Variants in APAF1 observed in about 807,000 individuals in gnomAD.
APAF1 encodes the protein apoptotic peptidase activating factor 1, also known as apoptotic protease-activating factor 1.
A neutral mutation model predicts 152.4 loss-of-function variants in APAF1; 91 were observed. The ratio of observed to expected loss-of-function variants is 0.60; its 90% CI spans 0.50 to 0.71. The LOEUF (loss-of-function observed/expected upper bound fraction) is 0.71. Ranked by LOEUF, APAF1 falls within the 30% of genes least tolerant of loss-of-function variation. The pLI, the probability that APAF1 is intolerant of heterozygous loss-of-function variation, is 0.00. For missense variants in APAF1, 1,283 were observed against 1,472.0 expected (o/e 0.87, Z 2.10); for synonymous variants, 484 against 494.1 (o/e 0.98, Z 0.27).
In APAF1 at chr12:98,677,436, A is replaced by C; in HGVS notation, c.1805A>C (p.Asn602Thr). 1.2e-6 allele frequency: 2 copies of C among 1,614,150 alleles called. No individual in the cohort carries two copies. Among genetic ancestry groups the C allele is most frequent in the Non-Finnish European group, 1.7e-6 (2 of 1,180,016 alleles). The change falls in exon 13 of 27, where the codon AAC (asparagine) becomes ACC (threonine). Residue 602 changes from asparagine (N) to threonine (T), a missense_variant. By Grantham distance (65) the Asn-to-Thr change is moderately conservative. Coordinates refer to ENST00000551964, the MANE Select transcript of APAF1 (RefSeq NM_181861.2). ...TTCCCTGTATTTAGAAACAAAAAAA[A>C]CATCACGAATCTTTCCCGCTTAGTT... The part of the protein sequence containing the change: ...MLYLEWINKK[N>T]ITNLSRLVVR...
intron 5 of APAF1, among the ~76,000 whole-genome samples, chr12:98,661,894 C>T (rs73374767): frequency 0.12 from 18,465 of 151,680 alleles, 1,175 homozygotes; most frequent in East Asian, 0.24. Context: ...GAGAGAACAA[C>T]TGGGAACTGG....
intron 26 of APAF1, among the ~76,000 whole-genome samples, chr12:98,730,037 T>C (rs1403204977): frequency 2.0e-5 from 3 of 152,254 alleles, no homozygotes; most frequent in Admixed American, 6.5e-5. Flanking sequence ...CCAATTATCC[T>C]AATTTGATCA....
chr12:98,712,199 G>C (rs899232426), intron 20 of APAF1, 120 bp from the exon 21 acceptor site: 5 of 707,322 alleles, frequency 7.1e-6, no homozygotes, highest in Non-Finnish European at 1.3e-5. Flanking sequence ...TTGTTCCCCT[G>C]AGAGCTCTTG....
intron 24 of APAF1, among the ~76,000 whole-genome samples, chr12:98,724,267 T>A (rs773476745): frequency 2.0e-5 from 3 of 152,164 alleles, no homozygotes; most frequent in East Asian, 1.9e-4. Flanking sequence ...GACTCTTTAG[T>A]GCATCTTAGA....
At position 98,662,809 on chromosome 12, in the gene APAF1, A is replaced by T. The variant is rs544169539; in HGVS notation, c.955+3A>T. 5 of 1,606,982 alleles carry T rather than the reference A, an allele frequency of 3.1e-6. No homozygotes were observed. The highest frequency in any genetic ancestry group is 3.4e-6 in the Non-Finnish European group (4 of 1,175,686). On this transcript the variant is annotated splice_donor_region_variant and intron_variant, in intron 7 of 26. Coordinates refer to ENST00000551964, the MANE Select transcript of APAF1 (RefSeq NM_181861.2). ...TAGTATTATAAAAGAATGTAAAGGT[A>T]TGGTTATTTATTTGTTTATGAGGAG...
chr12:98,723,333 G>A (rs370062165), intron 23 of APAF1, 21 bp downstream of exon 23: 209 of 1,609,776 alleles, frequency 1.3e-4, no homozygotes, highest in Non-Finnish European at 1.7e-4. Flanking sequence ...GTATAAATTT[G>A]TTTTTTGAAA....
intron 16 of APAF1, among the ~76,000 whole-genome samples, chr12:98,692,500 G>T (rs1015203651): frequency 6.6e-6 from 1 of 152,260 alleles, no homozygotes; most frequent in Non-Finnish European, 1.5e-5. Flanking sequence ...GGTACAACTG[G>T]TCCTGTCATC....
rs151219176 is a variant in APAF1, at chr12:98,697,064, G to A, written c.2305-2344G>A. Among the ~76,000 whole-genome samples, 22 of 152,268 alleles carry A rather than the reference G, an allele frequency of 1.4e-4. No individual in the cohort carries two copies. The East Asian group carries it at 3.5e-3, about 24-fold the overall frequency. ...CTGATACTACAACCAGATTGAACTT[G>A]TTCTTCTTTTTCATTGTCTTTGTTT... is the stretch of plus-strand genomic sequence containing the variant. On this transcript the variant is annotated intron_variant, in intron 16 of 26. Coordinates refer to ENST00000551964, the MANE Select transcript of APAF1 (RefSeq NM_181861.2).
chr12:98,656,278 A>G (rs2097657526), intron 4 of APAF1, among the ~76,000 whole-genome samples: 1 of 152,182 alleles, frequency 6.6e-6, no homozygotes, highest in Non-Finnish European at 1.5e-5. Flanking sequence ...ATTTTTCCAA[A>G]CTTTATTCTC....
chr12:98,665,272 AT>A (rs1565863099), intron 7 of APAF1, among the ~76,000 whole-genome samples: 2 of 103,050 alleles, frequency 1.9e-5, no homozygotes, highest in African/African-American at 7.8e-5. Flanking sequence ...ATATATATAT[AT>A]ATATATTTTT....
At chr12:98,647,418 G>A (rs1037703872) in intron 1 of APAF1, among the ~76,000 whole-genome samples, 1 of 151,922 alleles carries the variant, frequency 6.6e-6, no homozygotes, top group African/African-American at 2.4e-5. Flanking sequence ...TGTCGCCCAG[G>A]CTGGAGTACA....
rs536991775 is a variant in APAF1 at position 98,648,712 on chromosome 12, A to T, written c.225A>T (p.Leu75=). The T allele has an allele frequency of 1.2e-6, 2 of 1,613,696 alleles. No homozygotes were observed. The highest frequency in any genetic ancestry group is 1.7e-6 in the Non-Finnish European group (2 of 1,179,644). The change falls in exon 3 of 27, where the codon CTA becomes CTT. Residue 75 remains leucine, a synonymous_variant. Coordinates refer to ENST00000551964, the MANE Select transcript of APAF1 (RefSeq NM_181861.2). ...NDSYVSFYNA[L]LHEGYKDLAA... is the part of the protein sequence containing the mutation. ...CCTACGTATCATTCTACAATGCTCT[A>T]CTACATGAAGGATATAAAGATCTTG... is the stretch of plus-strand genomic sequence containing the variant.
chr12:98,727,328 C>T lies in APAF1; in HGVS notation c.3600+12C>T. The T allele has an allele frequency of 3.7e-6, 6 of 1,613,562 alleles. No homozygotes were observed. Among genetic ancestry groups the T allele is most frequent in the East Asian group, 2.2e-5 (1 of 44,862 alleles). On this transcript the variant is annotated intron_variant, in intron 26 of 26. Transcript: ENST00000551964. ...GAGGATATATTAAGGTAAGAGTTCCCCAAGAACTGTGAAAGAAAATAATAG... is the reference window on the plus strand; with the variant it reads ...GAGGATATATTAAGGTAAGAGTTCCTCAAGAACTGTGAAAGAAAATAATAG...
At chr12:98,659,393 G>A (rs1355524891) in intron 5 of APAF1, 50 bp downstream of exon 5, 1 of 1,566,888 alleles carries the variant, frequency 6.4e-7, no homozygotes, top group Non-Finnish European at 8.8e-7. Flanking sequence ...GTCCCAATAA[G>A]ATGTAACTAC....
At chr12:98,665,836 A>G (rs1461945549) in intron 8 of APAF1, 45 bp downstream of exon 8, 1 of 1,443,202 alleles carries the variant, frequency 6.9e-7, no homozygotes, top group Non-Finnish European at 9.8e-7. Flanking sequence ...TATTGCATGT[A>G]AGCTTTGATA....
intron 16 of APAF1, among the ~76,000 whole-genome samples, 169 bp from the exon 17 acceptor site, chr12:98,699,239 A>G (rs898775753): frequency 7.2e-5 from 11 of 152,192 alleles, no homozygotes; most frequent in Non-Finnish European, 1.3e-4. Flanking sequence ...GAACGTAATA[A>G]TGAAACTGGA....
intron 18 of APAF1, among the ~76,000 whole-genome samples, chr12:98,706,244 T>TA (rs778720170): frequency 1.2e-4 from 18 of 152,206 alleles, no homozygotes; most frequent in Non-Finnish European, 2.6e-4. Context: ...ATTATGTGAT[T>TA]AATGTAGTTT....
chr12:98,729,955 A>G (rs2097757954), intron 26 of APAF1, among the ~76,000 whole-genome samples: 1 of 152,256 alleles, frequency 6.6e-6, no homozygotes, highest in Non-Finnish European at 1.5e-5. Flanking sequence ...AATTTATTGT[A>G]TATTTCAAAA....
At position 98,731,373 on chromosome 12, in the gene APAF1, G is replaced by A. The variant is rs552819668; in HGVS notation, c.3601-1047G>A. Among the ~76,000 whole-genome samples the A allele has an allele frequency of 7.9e-5, 12 of 152,172 alleles. No individual in the cohort carries two copies. In the East Asian group the frequency reaches 1.2e-3, roughly 15 times the overall value. On this transcript the variant is annotated intron_variant, in intron 26 of 26. Coordinates refer to ENST00000551964, the MANE Select transcript of APAF1 (RefSeq NM_181861.2). ...TTGTTCTTGGTGCTGTACATTTTTC[G>A]GGTAGTTGAACTAAGTGATCTCTAA...
Sources: gnomAD v4.1 joint callset for allele counts (sites outside exome capture counted in the v4.1 genomes callset) on GRCh38, gnomAD v4.1.1 for gene constraint, MANE v1.5 for transcripts, NCBI Gene and HGNC (gene_info 2026-07-23, HGNC 2026-07-21) for gene names.